Variants in KLHDC4 observed in about 807,000 individuals in gnomAD.
KLHDC4 encodes the protein kelch domain-containing protein 4.
A neutral mutation model predicts 62.4 loss-of-function variants in KLHDC4; 90 were observed. That is an observed-to-expected ratio of 1.44 (90% CI 1.22 to 1.72). The LOEUF is 1.72. KLHDC4 is among the 40% of genes most tolerant of loss of function. KLHDC4 has a pLI of 0.00. For missense variants in KLHDC4, 1,025 were observed against 699.7 expected (o/e 1.47, Z -5.25); for synonymous variants, 386 against 284.4 (o/e 1.36, Z -3.59).
intron 5 of KLHDC4, 144 bp downstream of exon 5, chr16:87,748,529 A>T: frequency 1.9e-6 from 2 of 1,045,680 alleles, no homozygotes; most frequent in Non-Finnish European, 2.8e-6. Context: ...GTGGTCTCCC[A>T]GGACCCAGCG....
At chr16:87,754,691 T>A (rs561389639) in intron 4 of KLHDC4, among the ~76,000 whole-genome samples, 72 of 152,320 alleles carry the variant, frequency 4.7e-4, no homozygotes, top group Middle Eastern at 3.4e-3. Context: ...ACAGAACGTC[T>A]AACTCCGGAA....
At chr16:87,702,581 T>G (rs1292625213) in exon 1 of KLHDC4, 7 of 329,116 alleles carry the variant, frequency 2.1e-5, no homozygotes, top group Non-Finnish European at 3.6e-5. Context: ...AGCAGGACTC[T>G]GCTCATCTGC....
intron 7 of KLHDC4, among the ~76,000 whole-genome samples, chr16:87,724,935 T>G (rs1392102133): frequency 2.0e-5 from 3 of 152,192 alleles, no homozygotes; most frequent in African/African-American, 4.8e-5. Flanking sequence ...CTGTGTCTTC[T>G]GAAGAACGGA....
At chr16:87,705,790 T>A (rs2034595825), downstream of KLHDC4, among the ~76,000 whole-genome samples, 1 of 147,154 alleles carries the variant, frequency 6.8e-6, no homozygotes, top group East Asian at 2.1e-4. Context: ...GGGCAGGGCC[T>A]GGGCGGGGGC....
intron 7 of KLHDC4, among the ~76,000 whole-genome samples, chr16:87,723,921 C>T (rs1305908296): frequency 1.3e-5 from 2 of 152,234 alleles, no homozygotes; most frequent in Admixed American, 1.3e-4. Flanking sequence ...ACTGCAACCT[C>T]CGCCTCCCGG....
Position 87,709,249 on chromosome 16 carries a change from A to T in KLHDC4, c.1447+16T>A. 1 of 1,599,498 alleles carries T rather than the reference A, an allele frequency of 6.3e-7. No homozygotes were observed. The highest frequency in any genetic ancestry group is 8.5e-7 in the Non-Finnish European group (1 of 1,172,234). ...TCTCGCTCCCGGGCACGGAGGCACC[A>T]AGCTGCCTGGCTCACCTGGGTCCAT... On this transcript the variant is annotated intron_variant, in intron 10 of 11. Coordinates refer to ENST00000270583, the MANE Select transcript of KLHDC4 (RefSeq NM_017566.4).
chr16:87,755,207 C>A lies in KLHDC4; in HGVS notation c.356G>T (p.Arg119Leu), dbSNP rs572950700. The A allele has an allele frequency of 5.0e-6, 8 of 1,608,268 alleles. No individual in the cohort carries two copies. Among genetic ancestry groups the A allele is most frequent in the Non-Finnish European group, 6.0e-6 (7 of 1,175,056 alleles). Residue 119 changes from arginine (R) to leucine (L), a missense_variant, in exon 4 of 12, where the codon CGC (arginine) becomes CTC (leucine). Transcript: ENST00000270583. The part of the protein sequence containing the change: ...KVDIPSPPPR[R>L]CAHQAVVVPQ... ...TGCTGACATTACCTGGTGAGCACAGCGCCTCGGAGGTGGACTGGGGATGTC... is the reference window on the plus strand; with the variant it reads ...TGCTGACATTACCTGGTGAGCACAGAGCCTCGGAGGTGGACTGGGGATGTC...
At chr16:87,729,096 A>T (rs145585266) in intron 6 of KLHDC4, among the ~76,000 whole-genome samples, 52 of 152,278 alleles carry the variant, frequency 3.4e-4, no homozygotes, top group African/African-American at 1.1e-3. Context: ...TTTTAGTTTG[A>T]ATTACATTTT....
At chr16:87,718,063 C>T (rs559352524) in intron 7 of KLHDC4, among the ~76,000 whole-genome samples, 9 of 152,264 alleles carry the variant, frequency 5.9e-5, no homozygotes, top group East Asian at 5.8e-4. Flanking sequence ...GCCCATGGTT[C>T]GACCTCCCCA....
chr16:87,745,378 G>C (rs901421775), intron 5 of KLHDC4, among the ~76,000 whole-genome samples: 1 of 152,200 alleles, frequency 6.6e-6, no homozygotes, highest in African/African-American at 2.4e-5. Context: ...CCCGCCCTGT[G>C]GTGCCTCTGC....
At chr16:87,736,855 T>C (rs2041397403) in intron 5 of KLHDC4, among the ~76,000 whole-genome samples, 1 of 152,048 alleles carries the variant, frequency 6.6e-6, no homozygotes, top group Non-Finnish European at 1.5e-5. Context: ...CCGGGCGCGG[T>C]GGCTCACGCC....
At chr16:87,714,255 C>T (rs928677128) in intron 8 of KLHDC4, among the ~76,000 whole-genome samples, 4 of 152,218 alleles carry the variant, frequency 2.6e-5, no homozygotes, top group African/African-American at 9.6e-5. Flanking sequence ...TGCAGGGTAA[C>T]AGCGCCCGTG....
At chr16:87,700,843 GGGA>G (rs2034112282) in exon 1 of KLHDC4, 1 of 252,458 alleles carries the variant, frequency 4.0e-6, no homozygotes, top group Non-Finnish European at 7.7e-6. Flanking sequence ...GGAGGGCGGA[GGGA>G]GGAGGTTGGA....
intron 2 of KLHDC4, among the ~76,000 whole-genome samples, chr16:87,761,324 C>T (rs998310387): frequency 3.3e-5 from 5 of 152,148 alleles, no homozygotes; most frequent in Admixed American, 6.5e-5. Flanking sequence ...GCAGCACAAT[C>T]GTGACCCTCC....
intron 5 of KLHDC4, among the ~76,000 whole-genome samples, chr16:87,736,587 C>CA (rs972574958): frequency 2.0e-5 from 3 of 152,168 alleles, no homozygotes; most frequent in Non-Finnish European, 4.4e-5. Flanking sequence ...TTCCGAGTAT[C>CA]AAGTCCATCA....
chr16:87,721,357 T>C (rs927166868), intron 7 of KLHDC4, among the ~76,000 whole-genome samples: 2 of 139,460 alleles, frequency 1.4e-5, no homozygotes, highest in African/African-American at 5.4e-5. Flanking sequence ...GAGCTTGCAG[T>C]GCGCCGAGAT....
chr16:87,730,997 T>C (rs148166105), intron 5 of KLHDC4: 1 of 164,858 alleles, frequency 6.1e-6, no homozygotes, highest in African/African-American at 2.4e-5. Context: ...AGAAATATCT[T>C]GAAACACATG....
At chr16:87,740,181 C>T (rs1308470210) in intron 5 of KLHDC4, among the ~76,000 whole-genome samples, 1 of 152,158 alleles carries the variant, frequency 6.6e-6, no homozygotes, top group Admixed American at 6.5e-5. Flanking sequence ...GTGTGGCAGG[C>T]AGACCTAACC....
intron 7 of KLHDC4, among the ~76,000 whole-genome samples, chr16:87,720,610 G>T (rs574722447): frequency 3.9e-5 from 6 of 152,240 alleles, no homozygotes; most frequent in African/African-American, 1.4e-4. Flanking sequence ...GCGGGGCTTG[G>T]GAGAGAGGGA....
Sources: gnomAD v4.1 joint callset for allele counts (sites outside exome capture counted in the v4.1 genomes callset) on GRCh38, gnomAD v4.1.1 for gene constraint, MANE v1.5 for transcripts, NCBI Gene and HGNC (gene_info 2026-07-23, HGNC 2026-07-21) for gene names.